Variants in CDADC1 observed in about 807,000 individuals in gnomAD.
CDADC1 encodes the protein cytidine and dCMP deaminase domain containing 1, also known as dCTP deaminase.
CDADC1 carries 39 observed loss-of-function variants against 54.9 expected under a neutral mutation model. The observed-to-expected ratio is 0.71, with a 90% CI of 0.55 to 0.93. The LOEUF (loss-of-function observed/expected upper bound fraction) is 0.93. Among genes scored for constraint, CDADC1 ranks in the 40% least tolerant of loss-of-function variants. The probability of loss-of-function intolerance (pLI) is 0.00; values close to 1 mark genes in which losing one functional copy is unlikely to be tolerated. For synonymous variants in CDADC1, 186 were observed against 204.0 expected (o/e 0.91, Z 0.75); for missense variants, 518 against 618.8 (o/e 0.84, Z 1.73).
At chr13:49,284,823 A>C (rs562306641) in intron 8 of CDADC1, among the ~76,000 whole-genome samples, 1 of 152,198 alleles carries the variant, frequency 6.6e-6, no homozygotes, top group Non-Finnish European at 1.5e-5. Flanking sequence ...CTTATGGAAG[A>C]GGCTCCCGGG....
At chr13:49,258,902 T>A (rs1362481767) in intron 3 of CDADC1, among the ~76,000 whole-genome samples, 1 of 152,196 alleles carries the variant, frequency 6.6e-6, no homozygotes, top group Non-Finnish European at 1.5e-5. Flanking sequence ...CCTTTTACCA[T>A]CTGTGGGTCT....
At chr13:49,282,813 C>T (rs1442270848) in intron 8 of CDADC1, among the ~76,000 whole-genome samples, 1 of 152,208 alleles carries the variant, frequency 6.6e-6, no homozygotes, top group Non-Finnish European at 1.5e-5. Flanking sequence ...TGTGAACTGC[C>T]CATGCAAGGG....
At chr13:49,276,796 A>C (rs767951478) in intron 6 of CDADC1, among the ~76,000 whole-genome samples, 1 of 152,240 alleles carries the variant, frequency 6.6e-6, no homozygotes, top group Non-Finnish European at 1.5e-5. Flanking sequence ...TAGAAGGCTC[A>C]TGAGGGTAGG....
chr13:49,254,446 A>G (rs1952499025), intron 2 of CDADC1, among the ~76,000 whole-genome samples: 1 of 146,462 alleles, frequency 6.8e-6, no homozygotes, highest in Non-Finnish European at 1.5e-5. Flanking sequence ...TGTGTTGCCC[A>G]GGCTGGAGTG....
chr13:49,250,433 A>G (rs1040261896), intron 2 of CDADC1, among the ~76,000 whole-genome samples: 3 of 152,202 alleles, frequency 2.0e-5, no homozygotes, highest in African/African-American at 4.8e-5. Context: ...AGATGTTGGC[A>G]AGACTGGGAG....
At chr13:49,274,670 C>CAA (rs1368622813) in intron 6 of CDADC1, among the ~76,000 whole-genome samples, 1 of 139,716 alleles carries the variant, frequency 7.2e-6, no homozygotes, top group African/African-American at 2.7e-5. Flanking sequence ...GACTCCGTCT[C>CAA]AAAAAAAAAA....
intron 2 of CDADC1, among the ~76,000 whole-genome samples, chr13:49,255,560 C>A (rs575985859): frequency 4.6e-5 from 7 of 152,326 alleles, no homozygotes; most frequent in Non-Finnish European, 7.4e-5. Flanking sequence ...AAAACTGCCA[C>A]AATTCTGAAA....
At chr13:49,261,917 T>C (rs538594927) in intron 4 of CDADC1, among the ~76,000 whole-genome samples, 2 of 152,344 alleles carry the variant, frequency 1.3e-5, no homozygotes, top group South Asian at 2.1e-4. Flanking sequence ...AATGCTTGTG[T>C]ATTGGTGTTG....
At position 49,248,243 on chromosome 13, in the gene CDADC1, C is replaced by G; in HGVS notation, c.82+124C>G. 3 of 833,816 alleles carry G rather than the reference C, an allele frequency of 3.6e-6. No individual in the cohort carries two copies. In the South Asian group the frequency reaches 5.0e-5, roughly 14 times the overall value. The allele number at this position is 833,816 out of a possible 1,614,324, so 51.7% of individuals were successfully genotyped here. ...CTCCCCTGCTGCTTTTGGATGTCTC[C>G]TGCCCGCCCTCTGCGTGTCCCCTCC... On this transcript the variant is annotated intron_variant, in intron 1 of 9. Coordinates refer to ENST00000251108, the MANE Select transcript of CDADC1 (RefSeq NM_030911.4).
At chr13:49,278,297 A>C (rs1953204616) in intron 6 of CDADC1, 53 bp from the exon 7 acceptor site, 1 of 1,325,950 alleles carries the variant, frequency 7.5e-7, no homozygotes, top group South Asian at 1.8e-5. Flanking sequence ...AATACATTGC[A>C]AAGTGTCTTT....
chr13:49,291,170 GT>G (rs11428391), intron 9 of CDADC1, among the ~76,000 whole-genome samples: 29 of 142,166 alleles, frequency 2.0e-4, no homozygotes, highest in African/African-American at 6.0e-4. Context: ...TCAGTTTTTG[GT>G]TTTTTTTTTT....
intron 2 of CDADC1, among the ~76,000 whole-genome samples, chr13:49,251,199 A>G (rs1310788534): frequency 6.6e-6 from 1 of 152,020 alleles, no homozygotes; most frequent in African/African-American, 2.4e-5. Context: ...CACAAGGTCA[A>G]GAGATCGAGA....
intron 1 of CDADC1, chr13:49,248,357 C>T (rs1952344923): frequency 2.1e-6 from 1 of 475,812 alleles, no homozygotes; most frequent in South Asian, 3.5e-5. Flanking sequence ...GGACCTAGAG[C>T]TGGGGCCTCT....
rs970062396 is a variant in CDADC1 at position 49,248,082 on chromosome 13, C to T, written c.45C>T (p.Ala15=). The T allele has an allele frequency of 1.9e-6, 3 of 1,553,706 alleles. No individual in the cohort carries two copies. Among genetic ancestry groups the T allele is most frequent in the Non-Finnish European group, 2.6e-6 (3 of 1,148,278 alleles). The part of the protein sequence containing the change: ...GQMQNLESAR[A]GRSVSTQTGS... Reference sequence around the variant, plus strand: ...TGCAAAATCTGGAGAGCGCGAGGGCCGGGCGGTCAGTCAGCACCCAGACTG... The same window carrying T: ...TGCAAAATCTGGAGAGCGCGAGGGCTGGGCGGTCAGTCAGCACCCAGACTG... The change falls in exon 1 of 10, where the codon GCC becomes GCT. Residue 15 remains alanine (A), a synonymous_variant. Coordinates refer to ENST00000251108, the MANE Select transcript of CDADC1 (RefSeq NM_030911.4).
intron 5 of CDADC1, among the ~76,000 whole-genome samples, chr13:49,268,481 C>CA (rs1952879969): frequency 6.6e-6 from 1 of 152,028 alleles, no homozygotes; most frequent in Non-Finnish European, 1.5e-5. Flanking sequence ...GGCAACATAG[C>CA]AAGACCTCGA....
intron 6 of CDADC1, among the ~76,000 whole-genome samples, chr13:49,275,718 TATATATATAGAGAGAGAG>T (rs1953100967): frequency 1.8e-4 from 7 of 38,916 alleles, no homozygotes; most frequent in South Asian, 1.1e-3. Flanking sequence ...TATATATATA[TATATATATAGAGAGAGAG>T]AGAGAGAGAG....
chr13:49,251,136 G>C (rs1331994474), intron 2 of CDADC1, among the ~76,000 whole-genome samples: 1 of 152,134 alleles, frequency 6.6e-6, no homozygotes, highest in South Asian at 2.1e-4. Flanking sequence ...TAGGCCGGGT[G>C]CAGTGGCTCA....
At chr13:49,286,860 A>G (rs1283726221) in intron 9 of CDADC1, among the ~76,000 whole-genome samples, 1 of 152,236 alleles carries the variant, frequency 6.6e-6, no homozygotes, top group East Asian at 1.9e-4. Flanking sequence ...TTAGGCACAT[A>G]ATTTTAGATA....
At chr13:49,260,331 G>T (rs772996289) in intron 4 of CDADC1, among the ~76,000 whole-genome samples, 12 of 152,152 alleles carry the variant, frequency 7.9e-5, no homozygotes, top group Non-Finnish European at 1.5e-4. Context: ...TAAACAGCAG[G>T]CAGCTTTCTC....
Sources: allele counts gnomAD v4.1 joint callset (sites outside exome capture counted in the v4.1 genomes callset), GRCh38; gene constraint gnomAD v4.1.1; transcripts MANE v1.5; gene names NCBI Gene and HGNC (gene_info 2026-07-23, HGNC 2026-07-21).